Variants in SLIT2 observed in about 807,000 individuals in gnomAD.
SLIT2 encodes slit homolog 2 protein.
In SLIT2, 41 loss-of-function variants were observed where a neutral mutation model predicts 185.7. The ratio of observed to expected loss-of-function variants is 0.22; its 90% CI spans 0.17 to 0.29. The LOEUF (loss-of-function observed/expected upper bound fraction) is 0.29. Among genes scored for constraint, SLIT2 ranks in the 10% least tolerant of loss-of-function variants. The probability of loss-of-function intolerance (pLI) is 1.00; values close to 1 mark genes in which losing one functional copy is unlikely to be tolerated. For synonymous variants in SLIT2, 693 were observed against 680.2 expected, an observed-to-expected ratio of 1.02 and a Z score of -0.29; for missense variants, 1,571 against 1,909.0, an observed-to-expected ratio of 0.82 and a Z score of 3.30.
intron 4 of SLIT2, among the ~76,000 whole-genome samples, chr4:20,320,519 C>G (rs534502686): frequency 2.0e-5 from 3 of 152,206 alleles, no homozygotes; most frequent in Admixed American, 6.5e-5. Context: ...TTCTCCCTGC[C>G]TCTTGTCTAA....
intron 5 of SLIT2, among the ~76,000 whole-genome samples, chr4:20,472,361 TATAG>T (rs1157292209): frequency 4.7e-5 from 2 of 42,182 alleles, no homozygotes; most frequent in Admixed American, 3.8e-4. Context: ...TAGATATCTA[TATAG>T]ATATCTATAT....
At chr4:20,313,979 A>G (rs505954) in intron 4 of SLIT2, among the ~76,000 whole-genome samples, 19,193 of 152,190 alleles carry the variant, frequency 0.13, 1,259 homozygotes, top group Middle Eastern at 0.19. Flanking sequence ...TTACAAAGAT[A>G]AATATTTTTC....
At chr4:20,313,310 C>T (rs1162607099) in intron 4 of SLIT2, among the ~76,000 whole-genome samples, 2 of 152,086 alleles carry the variant, frequency 1.3e-5, no homozygotes, top group South Asian at 2.1e-4. Context: ...AGGCACATCA[C>T]GTGGTAAGAG....
intron 23 of SLIT2, 93 bp from the exon 24 acceptor site, chr4:20,548,964 A>G (rs1362748911): frequency 1.4e-6 from 1 of 721,996 alleles, no homozygotes. Flanking sequence ...AGTTAATAAG[A>G]TGCTTTAATA....
intron 33 of SLIT2, among the ~76,000 whole-genome samples, chr4:20,602,338 G>A (rs1728473269): frequency 6.6e-6 from 1 of 152,184 alleles, no homozygotes; most frequent in Admixed American, 6.5e-5. Context: ...TTAAAAGACA[G>A]TAGTTAACAT....
At chr4:20,363,214 T>C (rs1159572498) in intron 4 of SLIT2, among the ~76,000 whole-genome samples, 2 of 152,154 alleles carry the variant, frequency 1.3e-5, no homozygotes, top group Non-Finnish European at 2.9e-5. Context: ...ATTTGTGATT[T>C]ATGTCCTTTT....
chr4:20,391,546 GAC>G (rs1156958577), intron 4 of SLIT2, among the ~76,000 whole-genome samples: 2 of 152,148 alleles, frequency 1.3e-5, no homozygotes, highest in Non-Finnish European at 2.9e-5. Flanking sequence ...GAATTTTCAT[GAC>G]ACAATTCATT....
chr4:20,542,674 A>T (rs202116627), intron 21 of SLIT2, 48 bp downstream of exon 21: 1 of 1,595,114 alleles, frequency 6.3e-7, no homozygotes, highest in East Asian at 2.2e-5. Flanking sequence ...TTGATGATAA[A>T]TGTTTCATAC....
chr4:20,453,058 A>C (rs1712654193), intron 4 of SLIT2, among the ~76,000 whole-genome samples: 1 of 152,220 alleles, frequency 6.6e-6, no homozygotes, highest in Non-Finnish European at 1.5e-5. Context: ...TAGCTGCATA[A>C]TCAAGGGTGG....
At chr4:20,588,447 C>G (rs1430315713) in intron 29 of SLIT2, among the ~76,000 whole-genome samples, 2 of 152,096 alleles carry the variant, frequency 1.3e-5, no homozygotes, top group Non-Finnish European at 2.9e-5. Context: ...GTGCACAAGC[C>G]TGAAATTTTA....
chr4:20,513,551 G>A (rs1441185604), intron 11 of SLIT2, among the ~76,000 whole-genome samples: 1 of 152,190 alleles, frequency 6.6e-6, no homozygotes, highest in Non-Finnish European at 1.5e-5. Context: ...CTAGGCCCTA[G>A]TAGAGGGTCT....
intron 30 of SLIT2, among the ~76,000 whole-genome samples, chr4:20,590,788 C>G (rs1727455809): frequency 6.6e-6 from 1 of 152,212 alleles, no homozygotes; most frequent in South Asian, 2.1e-4. Flanking sequence ...TAGAGATCAT[C>G]TAGTCTTCAT....
At chr4:20,267,501 G>A (rs529809858) in intron 3 of SLIT2, among the ~76,000 whole-genome samples, 2 of 151,928 alleles carry the variant, frequency 1.3e-5, no homozygotes, top group African/African-American at 2.4e-5. Context: ...AAGAAGTTCT[G>A]AAGTTTACCT....
At chr4:20,324,224 C>T (rs1719349381) in intron 4 of SLIT2, among the ~76,000 whole-genome samples, 2 of 151,948 alleles carry the variant, frequency 1.3e-5, no homozygotes, top group African/African-American at 4.8e-5. Context: ...CATGACACAA[C>T]CAGCTTGCTA....
chr4:20,522,680 A>G (rs1305325109), intron 12 of SLIT2, among the ~76,000 whole-genome samples: 1 of 152,122 alleles, frequency 6.6e-6, no homozygotes, highest in Non-Finnish European at 1.5e-5. Context: ...TTGATATAAT[A>G]CATAGGGGAA....
intron 4 of SLIT2, among the ~76,000 whole-genome samples, chr4:20,426,026 A>G (rs1166374740): frequency 6.6e-6 from 1 of 152,138 alleles, no homozygotes; most frequent in Non-Finnish European, 1.5e-5. Flanking sequence ...TTTTCCTATT[A>G]GACTAATGTG....
intron 4 of SLIT2, among the ~76,000 whole-genome samples, chr4:20,459,048 G>C (rs1290313861): frequency 1.3e-5 from 2 of 151,882 alleles, no homozygotes; most frequent in Non-Finnish European, 2.9e-5. Context: ...AGACATATTA[G>C]AGATTATATG....
At chr4:20,392,547 C>A (rs1241568940) in intron 4 of SLIT2, among the ~76,000 whole-genome samples, 1 of 152,132 alleles carries the variant, frequency 6.6e-6, no homozygotes, top group Non-Finnish European at 1.5e-5. Flanking sequence ...CTCTAGCATA[C>A]TGTAACTTTT....
At chr4:20,397,960 T>C (rs1726045124) in intron 4 of SLIT2, among the ~76,000 whole-genome samples, 2 of 151,854 alleles carry the variant, frequency 1.3e-5, no homozygotes, top group Admixed American at 6.6e-5. Flanking sequence ...CATTTACTCA[T>C]TTCAGTCTCC....
Sources: allele counts gnomAD v4.1 joint callset (sites outside exome capture counted in the v4.1 genomes callset), GRCh38; gene constraint gnomAD v4.1.1; transcripts MANE v1.5; gene names NCBI Gene and HGNC (gene_info 2026-07-23, HGNC 2026-07-21).